Variants in GLIS3 observed in about 807,000 individuals in gnomAD.
GLIS3 encodes the protein GLIS family zinc finger 3.
In GLIS3, 53 loss-of-function variants were observed where a neutral mutation model predicts 78.6. The observed-to-expected ratio is 0.67, with a 90% CI of 0.54 to 0.85. GLIS3 has a LOEUF of 0.85. Among genes scored for constraint, GLIS3 ranks in the 40% least tolerant of loss-of-function variants. GLIS3 has a pLI of 0.00. For missense variants in GLIS3, 1,703 were observed against 1,231.1 expected (o/e 1.38, Z -5.74); for synonymous variants, 684 against 509.9 (o/e 1.34, Z -4.60).
the GLIS3 span, among the ~76,000 whole-genome samples, chr9:4,486,417 C>T: frequency 6.6e-6 from 1 of 152,172 alleles, no homozygotes; most frequent in African/African-American, 2.4e-5. Context: ...AATCTCTGTT[C>T]AGAGATCCAT....
intron 4 of GLIS3, among the ~76,000 whole-genome samples, chr9:4,041,718 G>A (rs1167189729): frequency 6.6e-6 from 1 of 152,142 alleles, no homozygotes; most frequent in Admixed American, 6.5e-5. Context: ...CTGAAAACGT[G>A]AAGCTCTCCA....
intron 4 of GLIS3, among the ~76,000 whole-genome samples, chr9:3,983,319 T>G (rs971844786): frequency 7.2e-5 from 11 of 152,156 alleles, no homozygotes; most frequent in Admixed American, 5.2e-4. Context: ...GAACTGTAAG[T>G]CCATTAAACC....
chr9:4,266,480 C>T (rs1055258330), intron 2 of GLIS3, among the ~76,000 whole-genome samples: 1 of 152,100 alleles, frequency 6.6e-6, no homozygotes. Flanking sequence ...TCTTTCTTCT[C>T]CTATAATTAG....
In GLIS3 at chr9:3,829,426, G is replaced by T; in HGVS notation, c.2540C>A (p.Pro847His). 6.2e-7 allele frequency: 1 copy of T among 1,614,168 alleles called. No individual in the cohort carries two copies. The highest frequency in any genetic ancestry group is 8.5e-7 in the Non-Finnish European group (1 of 1,180,024). ...HYPDSQRIVP[P>H]VSSCSVVPSF... ...AGGCACCACACTGCAGGAGCTGACAGGCGGCACAATTCTCTGGGAATCGGG... is the reference window on the plus strand; with the variant it reads ...AGGCACCACACTGCAGGAGCTGACATGCGGCACAATTCTCTGGGAATCGGG... The change falls in exon 10 of 11, where the codon CCT (proline) becomes CAT (histidine). Residue 847 changes from proline (P) to histidine (H), a missense_variant. By Grantham distance (77) the Pro-to-His change is moderately conservative. Coordinates refer to ENST00000381971, the MANE Select transcript of GLIS3 (RefSeq NM_001042413.2).
intron 4 of GLIS3, among the ~76,000 whole-genome samples, chr9:4,096,009 CAAA>C (rs34499061): frequency 0.18 from 18,529 of 103,664 alleles, 732 homozygotes; most frequent in African/African-American, 0.2. Context: ...GTAACCTATA[CAAA>C]AAAAAAAAAA....
the GLIS3 span, among the ~76,000 whole-genome samples, chr9:4,381,263 G>C: frequency 6.6e-6 from 1 of 152,200 alleles, no homozygotes; most frequent in African/African-American, 2.4e-5. Flanking sequence ...GGAATTTTAG[G>C]ATAGAAGATG....
chr9:4,372,462 C>G, the GLIS3 span, among the ~76,000 whole-genome samples: 1 of 151,326 alleles, frequency 6.6e-6, no homozygotes, highest in Non-Finnish European at 1.5e-5. Flanking sequence ...AACATGCAAA[C>G]CAACCAGTCC....
chr9:4,472,605 C>G, the GLIS3 span, among the ~76,000 whole-genome samples: 2 of 108,660 alleles, frequency 1.8e-5, no homozygotes, highest in Non-Finnish European at 3.5e-5. Context: ...GGGGGCCTGT[C>G]ATGGGGTGTG....
intron 2 of GLIS3, among the ~76,000 whole-genome samples, chr9:4,254,803 G>A (rs10974411): frequency 0.29 from 42,830 of 147,646 alleles, 6,682 homozygotes; most frequent in Middle Eastern, 0.37. Flanking sequence ...CCGTGCCACT[G>A]CACTCCAGCC....
chr9:4,013,223 AG>A (rs1441139008), intron 4 of GLIS3, among the ~76,000 whole-genome samples: 1 of 152,122 alleles, frequency 6.6e-6, no homozygotes, highest in Non-Finnish European at 1.5e-5. Flanking sequence ...TCCACTTCCC[AG>A]AGGAAGAGCC....
At chr9:4,128,989 G>A (rs1206040831) in intron 2 of GLIS3, among the ~76,000 whole-genome samples, 1 of 152,190 alleles carries the variant, frequency 6.6e-6, no homozygotes, top group Non-Finnish European at 1.5e-5. Flanking sequence ...CTTGAAGCAT[G>A]AAAATTAATG....
At chr9:4,182,795 G>C (rs1434026317) in intron 2 of GLIS3, among the ~76,000 whole-genome samples, 1 of 152,158 alleles carries the variant, frequency 6.6e-6, no homozygotes, top group Non-Finnish European at 1.5e-5. Flanking sequence ...ATCACTCAAG[G>C]GTGATGACAA....
intron 1 of GLIS3, chr9:4,347,290 C>T (rs1817908728): frequency 6.6e-6 from 1 of 152,162 alleles, no homozygotes; most frequent in Non-Finnish European, 1.5e-5. Context: ...CACTACCCCT[C>T]CTCGGGGAGG....
the GLIS3 span, among the ~76,000 whole-genome samples, chr9:4,361,334 G>C: frequency 2.0e-5 from 3 of 152,286 alleles, no homozygotes; most frequent in South Asian, 6.2e-4. Context: ...TGTGAGATTG[G>C]CTGAAATATC....
chr9:3,859,774 T>C (rs889932022), intron 8 of GLIS3, among the ~76,000 whole-genome samples: 11 of 152,082 alleles, frequency 7.2e-5, no homozygotes, highest in South Asian at 6.2e-4. Context: ...TTTGAAACAA[T>C]AGATGATTGC....
chr9:3,913,930 A>ATG (rs1192665259), intron 6 of GLIS3, among the ~76,000 whole-genome samples: 22 of 152,318 alleles, frequency 1.4e-4, no homozygotes, highest in African/African-American at 5.1e-4. Flanking sequence ...ATGAATGACA[A>ATG]ATGAGCCAAT....
intron 2 of GLIS3, among the ~76,000 whole-genome samples, chr9:4,224,661 T>C (rs1283504379): frequency 6.6e-6 from 1 of 152,014 alleles, no homozygotes; most frequent in Non-Finnish European, 1.5e-5. Context: ...ACTTCACCCT[T>C]TGTTACATCC....
chr9:4,414,353 A>T, the GLIS3 span, among the ~76,000 whole-genome samples: 5 of 152,218 alleles, frequency 3.3e-5, no homozygotes, highest in Non-Finnish European at 5.9e-5. Flanking sequence ...CCGTAACTCA[A>T]TGTGAGTATG....
At chr9:4,421,146 T>C in the GLIS3 span, among the ~76,000 whole-genome samples, 4 of 152,186 alleles carry the variant, frequency 2.6e-5, no homozygotes, top group African/African-American at 7.2e-5. Context: ...GTGAAAGCAA[T>C]AATCTACATA....
Sources: gnomAD v4.1 joint callset for allele counts (sites outside exome capture counted in the v4.1 genomes callset) on GRCh38, gnomAD v4.1.1 for gene constraint, MANE v1.5 for transcripts, NCBI Gene and HGNC (gene_info 2026-07-23, HGNC 2026-07-21) for gene names.